The following JOSD1 variants were observed in gnomAD, a reference collection of about 807,000 sequenced individuals.
JOSD1 encodes the protein Josephin domain containing 1.
Under a neutral mutation model 24.3 loss-of-function variants are expected in JOSD1, and 11 were observed. That is an observed-to-expected ratio of 0.45 (90% confidence interval 0.29 to 0.75). The LOEUF (loss-of-function observed/expected upper bound fraction) is 0.75. JOSD1 is among the 30% of genes least tolerant of loss of function. The pLI is 0.11. For missense variants in JOSD1, 184 were observed against 253.5 expected, an observed-to-expected ratio of 0.73 and a Z score of 1.86; for synonymous variants, 106 against 93.8, an observed-to-expected ratio of 1.13 and a Z score of -0.75.
At chr22:38,691,045 A>C (rs987564955) in intron 2 of JOSD1, among the ~76,000 whole-genome samples, 1 of 151,940 alleles carries the variant, frequency 6.6e-6, no homozygotes, top group African/African-American at 2.4e-5. Flanking sequence ...CTCAAAAAAC[A>C]AACCAACAAA....
Position 38,686,362 on chromosome 22 carries a change from C to T in JOSD1, c.*1540G>A, listed in dbSNP as rs1473105965. ...GATCAACATGCAAGCCCCAGGCTGG[C>T]TTTGCTGCTGGAGAGAAGTCTGGCC... On this transcript the variant is annotated 3_prime_UTR_variant, in exon 5 of 5. Coordinates refer to ENST00000683374, the MANE Select transcript of JOSD1 (RefSeq NM_001360236.2). The T allele has an allele frequency of 6.6e-6, 1 of 152,470 alleles. No homozygotes were observed. The highest frequency in any genetic ancestry group is 1.5e-5 in the Non-Finnish European group (1 of 68,036). 9.4% of individuals were successfully genotyped at this position (152,470 alleles called of 1,614,324 possible).
At position 38,700,729 on chromosome 22, in the gene JOSD1, G is replaced by C. The variant is rs529225365; in HGVS notation, c.-632+71C>G. 3.3e-4 allele frequency: 327 copies of C among 979,934 alleles called. 1 individual carries two copies. Among genetic ancestry groups the C allele is most frequent in the African/African-American group, 8.6e-4 (49 of 57,208 alleles). The allele number at this position is 979,934 out of a possible 1,614,324, so 60.7% of individuals were successfully genotyped here. On this transcript the variant is annotated intron_variant, in intron 1 of 4. Coordinates refer to ENST00000683374, the MANE Select transcript of JOSD1 (RefSeq NM_001360236.2). ...CGCGCGGCGAAGGGCTGGCCCGCGA[G>C]GGGTGGGGCCGGACAGTCAGCCTCG...
At chr22:38,689,568 C>CCTAA in intron 2 of JOSD1, 144 bp from the exon 3 acceptor site, 1 of 1,094,786 alleles carries the variant, frequency 9.1e-7, no homozygotes, top group Non-Finnish European at 1.3e-6. Context: ...CCAGCTTCTA[C>CCTAA]CTAAGTATTT....
intron 2 of JOSD1, among the ~76,000 whole-genome samples, chr22:38,694,678 C>T (rs1451640340): frequency 1.3e-5 from 2 of 151,808 alleles, no homozygotes; most frequent in East Asian, 3.9e-4. Flanking sequence ...TTGGCTAACA[C>T]GGTGAAACCC....
chr22:38,691,032 C>T (rs112736986), intron 2 of JOSD1, among the ~76,000 whole-genome samples: 10,026 of 150,790 alleles, frequency 0.066, 709 homozygotes, highest in African/African-American at 0.18. Context: ...AGTGAGACTC[C>T]GTCTCAAAAA....
chr22:38,688,393 G>C (rs1452346219), intron 4 of JOSD1, among the ~76,000 whole-genome samples: 1 of 152,164 alleles, frequency 6.6e-6, no homozygotes, highest in East Asian at 1.9e-4. Context: ...CTCCTGACCA[G>C]CTGGGATTAC....
At chr22:38,696,368 G>A (rs890656995) in intron 2 of JOSD1, among the ~76,000 whole-genome samples, 5 of 151,900 alleles carry the variant, frequency 3.3e-5, no homozygotes, top group African/African-American at 1.2e-4. Flanking sequence ...TTCCCGAGTA[G>A]CTGGGACTAC....
At chr22:38,691,753 CCG>C (rs771352990) in intron 2 of JOSD1, among the ~76,000 whole-genome samples, 5 of 152,156 alleles carry the variant, frequency 3.3e-5, no homozygotes, top group Non-Finnish European at 7.4e-5. Flanking sequence ...ACTACAACCT[CCG>C]GAGAGGCCTT....
At chr22:38,688,595 A>T (rs1430716555) in intron 4 of JOSD1, among the ~76,000 whole-genome samples, 4 of 152,148 alleles carry the variant, frequency 2.6e-5, no homozygotes. Context: ...TCCTGGGGAA[A>T]TTCAGTGCTC....
At chr22:38,689,194 A>G in intron 3 of JOSD1, 65 bp from the exon 4 acceptor site, 1 of 1,601,244 alleles carries the variant, frequency 6.2e-7, no homozygotes. Context: ...TGGCTGTAAT[A>G]CCACAACTGG....
In JOSD1 at chr22:38,700,293, T is replaced by TGGCG; in HGVS notation, c.-307_-306insCGCC. On this transcript the variant is annotated 5_prime_UTR_variant, in exon 2 of 5. Coordinates refer to ENST00000683374, the MANE Select transcript of JOSD1 (RefSeq NM_001360236.2). ...TTGTTTCCGTTTCCCCACCCTTCCC[T>TGGCG]CCCACCCCCCTCCAAAATCCCCACG... is the stretch of plus-strand genomic sequence containing the variant. 3.5e-6 allele frequency: 1 copy of TGGCG among 282,434 alleles called. No individual in the cohort carries two copies. The highest frequency in any genetic ancestry group is 4.8e-6 in the Non-Finnish European group (1 of 209,522). The allele number at this position is 282,434 out of a possible 1,614,324, so 17.5% of individuals were successfully genotyped here. A position where few individuals can be genotyped will look rare whatever the true frequency, so the allele number is the denominator to read the frequency against.
chr22:38,689,168 AT>A (rs751036843), intron 3 of JOSD1, 39 bp from the exon 4 acceptor site: 1 of 1,603,114 alleles, frequency 6.2e-7, no homozygotes, highest in Non-Finnish European at 8.5e-7. Flanking sequence ...GATGCAGCCC[AT>A]TTTCCAAGGT....
chr22:38,690,935 G>A (rs1388952750), intron 2 of JOSD1, among the ~76,000 whole-genome samples: 1 of 152,120 alleles, frequency 6.6e-6, no homozygotes, highest in Non-Finnish European at 1.5e-5. Flanking sequence ...GCAGCTAACT[G>A]CTTGAACGTA....
At chr22:38,699,199 T>C (rs2092557448) in intron 2 of JOSD1, among the ~76,000 whole-genome samples, 1 of 152,252 alleles carries the variant, frequency 6.6e-6, no homozygotes, top group Admixed American at 6.5e-5. Flanking sequence ...CTGACCTTTC[T>C]GCCTATCAGC....
In JOSD1 at chr22:38,689,135, G is replaced by A. The variant is rs376715166; in HGVS notation, c.315-6C>T. The A allele has an allele frequency of 8.1e-5, 131 of 1,610,238 alleles. 2 individuals are homozygous for A. In the South Asian group the frequency reaches 1.3e-3, roughly 16 times the overall value. ...GGGCAATGACACCGACATCCCTGCA[G>A]GGGAGAAATGGTGGCAGGCTCTGAT... On this transcript the variant is annotated splice_region_variant and splice_polypyrimidine_tract_variant and intron_variant, in intron 3 of 4. Coordinates refer to ENST00000683374, the MANE Select transcript of JOSD1 (RefSeq NM_001360236.2).
At position 38,700,114 on chromosome 22, in the gene JOSD1, T is replaced by C. The variant is rs1031802272; in HGVS notation, c.-127A>G. 3 of 1,395,474 alleles carry C rather than the reference T, an allele frequency of 2.1e-6. No individual in the cohort carries two copies. The highest frequency in any genetic ancestry group is 1.9e-6 in the Non-Finnish European group (2 of 1,072,130). 86.4% of individuals were successfully genotyped at this position (1,395,474 alleles called of 1,614,324 possible). On this transcript the variant is annotated 5_prime_UTR_variant, in exon 2 of 5. Transcript: ENST00000683374. The stretch of plus-strand genomic sequence containing the variant: ...CTTATTCTCTGGTGTCCATGATTTA[T>C]GCTTTGTCACTGGGAGAAAAGATTG...
chr22:38,699,777 A>C, intron 2 of JOSD1, 26 bp downstream of exon 2: 1 of 1,607,614 alleles, frequency 6.2e-7, no homozygotes, highest in Non-Finnish European at 8.5e-7. Flanking sequence ...ATCAGTATCA[A>C]GATGCCAAGG....
chr22:38,698,790 C>T (rs1411379749), intron 2 of JOSD1, among the ~76,000 whole-genome samples: 1 of 152,088 alleles, frequency 6.6e-6, no homozygotes, highest in Non-Finnish European at 1.5e-5. Context: ...TTCCGAGACC[C>T]GTCACCCAGG....
At chr22:38,698,604 G>C (rs1266161184) in intron 2 of JOSD1, among the ~76,000 whole-genome samples, 1 of 152,120 alleles carries the variant, frequency 6.6e-6, no homozygotes, top group Non-Finnish European at 1.5e-5. Context: ...AGGACTGCGC[G>C]GGCCTAACTA....
Sources: allele counts gnomAD v4.1 joint callset (sites outside exome capture counted in the v4.1 genomes callset), GRCh38; gene constraint gnomAD v4.1.1; transcripts MANE v1.5; gene names NCBI Gene and HGNC (gene_info 2026-07-23, HGNC 2026-07-21).